QSER1: variants seen among roughly 807,000 people sequenced by gnomAD.
The protein encoded by QSER1 is glutamine and serine rich 1.
QSER1 carries 49 observed loss-of-function variants against 158.5 expected under a neutral mutation model. The ratio of observed to expected loss-of-function variants is 0.31; its 90% CI spans 0.25 to 0.39. QSER1 has a LOEUF of 0.39. Among genes scored for constraint, QSER1 ranks in the 10% least tolerant of loss-of-function variants. QSER1 has a pLI of 1.00. For synonymous variants in QSER1, 650 were observed against 715.5 expected (o/e 0.91, Z 1.46); for missense variants, 1,754 against 2,010.3 (o/e 0.87, Z 2.44).
At chr11:32,947,210 G>C (rs531064939) in intron 4 of QSER1, among the ~76,000 whole-genome samples, 1 of 152,354 alleles carries the variant, frequency 6.6e-6, no homozygotes, top group South Asian at 2.1e-4. Context: ...CAGGCTGGGA[G>C]CTGTAGACCG....
intron 8 of QSER1, among the ~76,000 whole-genome samples, chr11:32,964,019 C>T (rs1220302831): frequency 1.3e-5 from 2 of 152,258 alleles, no homozygotes; most frequent in East Asian, 3.9e-4. Flanking sequence ...CTATCACCAG[C>T]AGGAGTAGAG....
chr11:32,926,918 C>T (rs1318488707), intron 1 of QSER1: 1 of 152,088 alleles, frequency 6.6e-6, no homozygotes, highest in Non-Finnish European at 1.5e-5. Flanking sequence ...AGTAAAAAGA[C>T]TCTTGTTTGA....
At chr11:32,903,695 C>T (rs1217146418) in intron 1 of QSER1, among the ~76,000 whole-genome samples, 1 of 152,088 alleles carries the variant, frequency 6.6e-6, no homozygotes, top group East Asian at 1.9e-4. Flanking sequence ...CAACTGCAGC[C>T]TCCACCCCTG....
At chr11:32,912,267 T>C (rs1851776482) in intron 1 of QSER1, among the ~76,000 whole-genome samples, 1 of 152,234 alleles carries the variant, frequency 6.6e-6, no homozygotes, top group South Asian at 2.1e-4. Context: ...TTCAGCCTTA[T>C]GGGTGGCTCA....
chr11:32,905,181 A>T (rs117500681), intron 1 of QSER1, among the ~76,000 whole-genome samples: 2,981 of 152,316 alleles, frequency 0.02, 45 homozygotes, highest in South Asian at 0.038. Context: ...TGAAATTTTC[A>T]TATGGCCTAA....
intron 3 of QSER1, among the ~76,000 whole-genome samples, chr11:32,928,798 C>G (rs1269759802): frequency 6.6e-6 from 1 of 151,994 alleles, no homozygotes; most frequent in Non-Finnish European, 1.5e-5. Flanking sequence ...TTTTAACATT[C>G]TGATGTAAAT....
rs1460836158 is a variant in QSER1 at position 32,953,916 on chromosome 11, T to C, written c.4237T>C (p.Ser1413Pro). Reference sequence around the variant, plus strand: ...CAATACTACTGGTACTGCTACTACTTCCTCAACCACTGTGGGTGCAGTTAA... The same window carrying C: ...CAATACTACTGGTACTGCTACTACTCCCTCAACCACTGTGGGTGCAGTTAA... ...TANTTGTATTSSTTVGAVKQE... is the reference protein window; with the variant it reads ...TANTTGTATTPSTTVGAVKQE... The change falls in exon 5 of 13, where the codon TCC becomes CCC. Residue 1413 changes from serine to proline, a missense_variant. Around this residue, in one of 2 missense-constraint regions of QSER1, gnomAD observed 1,707 missense variants for 1,919.6 expected, o/e 0.89. Transcript: ENST00000650167. 6.2e-7 allele frequency: 1 copy of C among 1,614,038 alleles called. No individual in the cohort carries two copies. The highest frequency in any genetic ancestry group is 8.5e-7 in the Non-Finnish European group (1 of 1,180,000).
chr11:32,964,146 AT>A (rs1218520407), intron 8 of QSER1, among the ~76,000 whole-genome samples: 1 of 151,460 alleles, frequency 6.6e-6, no homozygotes, highest in East Asian at 1.9e-4. Flanking sequence ...CTAACTTAAA[AT>A]TTTTTTTTGT....
Position 32,931,742 on chromosome 11 carries a change from G to T in QSER1, c.485-1G>T. 1 of 1,577,404 alleles carries T rather than the reference G, an allele frequency of 6.3e-7. No individual in the cohort carries two copies. Among genetic ancestry groups the T allele is most frequent in the South Asian group, 1.2e-5 (1 of 84,756 alleles). On this transcript the variant is annotated splice_acceptor_variant, in intron 3 of 12. Transcript: ENST00000650167. LOFTEE classifies it high-confidence loss of function. ...AAAATCTTTGTGCCTTTTCTTCATA[G>T]GCATGCATTCCTCAGCAGCAACTGA...
At chr11:32,964,760 A>G (rs1315200728) in intron 8 of QSER1, among the ~76,000 whole-genome samples, 2 of 146,632 alleles carry the variant, frequency 1.4e-5, no homozygotes, top group Admixed American at 6.8e-5. Flanking sequence ...ACACACACAC[A>G]CACACACACA....
chr11:32,915,768 A>C (rs557047726), intron 1 of QSER1, among the ~76,000 whole-genome samples: 1 of 152,348 alleles, frequency 6.6e-6, no homozygotes, highest in South Asian at 2.1e-4. Flanking sequence ...TTTTTAAAAA[A>C]CATTATTATA....
intron 10 of QSER1, among the ~76,000 whole-genome samples, chr11:32,972,843 C>G (rs966432734): frequency 8.5e-5 from 13 of 152,140 alleles, no homozygotes; most frequent in Non-Finnish European, 1.5e-5. Flanking sequence ...ACTTGTCTTG[C>G]AGTCAAAATA....
At position 32,932,388 on chromosome 11, in the gene QSER1, G is replaced by A. The variant is rs1344324140; in HGVS notation, c.1130G>A (p.Gly377Glu). ...GATTCCACTCAGGTGAGCAACGGAG[G>A]ATTACAACAGAAGACCTCCCAGGTC... ...IGDSTQVSNGGLQQKTSQVSV... is the reference protein window; with the variant it reads ...IGDSTQVSNGELQQKTSQVSV... The change falls in exon 4 of 13, where the codon GGA becomes GAA. Residue 377 changes from glycine (G) to glutamate (E), a missense_variant. Transcript: ENST00000650167. 1 of 1,612,384 alleles carries A rather than the reference G, an allele frequency of 6.2e-7. No individual in the cohort carries two copies. The highest frequency in any genetic ancestry group is 8.5e-7 in the Non-Finnish European group (1 of 1,179,996).
At chr11:32,971,003 A>C (rs868732306) in intron 10 of QSER1, among the ~76,000 whole-genome samples, 36 of 129,276 alleles carry the variant, frequency 2.8e-4, no homozygotes, top group Non-Finnish European at 3.1e-4. Context: ...CCTAGGCTGA[A>C]GTGCAGTGGC....
intron 1 of QSER1, among the ~76,000 whole-genome samples, chr11:32,896,679 G>A (rs559808713): frequency 6.6e-6 from 1 of 152,264 alleles, no homozygotes; most frequent in East Asian, 1.9e-4. Context: ...GTGAGCCACC[G>A]TGCCTGGCCT....
At chr11:32,946,814 C>T (rs1314428730) in intron 4 of QSER1, among the ~76,000 whole-genome samples, 1 of 152,092 alleles carries the variant, frequency 6.6e-6, no homozygotes, top group South Asian at 2.1e-4. Flanking sequence ...CAATGGTGGG[C>T]GCCCCTACCC....
intron 1 of QSER1, among the ~76,000 whole-genome samples, chr11:32,902,773 G>A (rs1308763589): frequency 6.6e-6 from 1 of 152,184 alleles, no homozygotes; most frequent in Non-Finnish European, 1.5e-5. Context: ...CCTACTATGT[G>A]CTGAGCACTG....
At chr11:32,949,214 C>T (rs1010707348) in intron 4 of QSER1, among the ~76,000 whole-genome samples, 7 of 152,044 alleles carry the variant, frequency 4.6e-5, no homozygotes, top group Non-Finnish European at 1.5e-5. Context: ...TACTAAAATA[C>T]CTTTAGTATT....
intron 8 of QSER1, among the ~76,000 whole-genome samples, chr11:32,962,407 G>T (rs1852641263): frequency 6.6e-6 from 1 of 152,006 alleles, no homozygotes; most frequent in Non-Finnish European, 1.5e-5. Flanking sequence ...ATATATTCTG[G>T]ATATTAAACC....
Sources: allele counts gnomAD v4.1 joint callset (sites outside exome capture counted in the v4.1 genomes callset), GRCh38; gene constraint gnomAD v4.1.1; regional missense constraint gnomAD v4.1.1; transcripts MANE v1.5; gene names NCBI Gene and HGNC (gene_info 2026-07-23, HGNC 2026-07-21).